The following PPARGC1A variants were observed in gnomAD, a reference collection of about 807,000 sequenced individuals.
PPARGC1A encodes the protein peroxisome proliferator-activated receptor gamma coactivator 1-alpha.
Under a neutral mutation model 88.7 loss-of-function variants are expected in PPARGC1A, and 25 were observed. The observed-to-expected ratio is 0.28, with a 90% CI of 0.21 to 0.39. PPARGC1A has a LOEUF of 0.39. Among genes scored for constraint, PPARGC1A ranks in the 10% least tolerant of loss-of-function variants. PPARGC1A has a pLI of 1.00. For missense variants in PPARGC1A, 880 were observed against 968.7 expected (o/e 0.91, Z 1.22); for synonymous variants, 363 against 355.6 (o/e 1.02, Z -0.24).
At chr4:24,158,780 T>C in the PPARGC1A span, among the ~76,000 whole-genome samples, 208 of 152,316 alleles carry the variant, frequency 1.4e-3, 1 homozygote, top group Non-Finnish European at 8.7e-4. Context: ...CAGTACTTGA[T>C]TCCTAAAGCA....
At position 23,813,697 on chromosome 4, in the gene PPARGC1A, A is replaced by G; in HGVS notation, c.1786T>C (p.Ser596Pro). The G allele has an allele frequency of 6.3e-7, 1 of 1,578,692 alleles. No homozygotes were observed. The highest frequency in any genetic ancestry group is 8.6e-7 in the Non-Finnish European group (1 of 1,160,376). ...GGTTTTGCCAAGGTTTACCTTGAAG[A>G]GGATCTACTGCCTGGAGACCTTGAT... ...SRSRSPGSRS[S>P]SRSCYYYESS... The change falls in exon 8 of 13, where the codon TCT becomes CCT. Residue 596 changes from serine (S) to proline (P), a missense_variant. Physicochemically the swap from Ser to Pro is moderately conservative, Grantham distance 74 (BLOSUM62 -1). Transcript: ENST00000264867.
intron 2 of PPARGC1A, 64 bp from the exon 3 acceptor site, chr4:23,831,815 C>T (rs1725059467): frequency 4.4e-6 from 6 of 1,358,794 alleles, no homozygotes; most frequent in Non-Finnish European, 5.2e-6. Context: ...CACTATGCAT[C>T]AACATGTTTG....
the PPARGC1A span, among the ~76,000 whole-genome samples, chr4:23,988,517 T>C: frequency 1.3e-5 from 2 of 152,048 alleles, no homozygotes; most frequent in Non-Finnish European, 2.9e-5. Flanking sequence ...GCAACATTGT[T>C]GGAAAGACCC....
chr4:23,896,086 TA>T (rs1390035209), intron 1 of PPARGC1A, among the ~76,000 whole-genome samples: 1 of 151,876 alleles, frequency 6.6e-6, no homozygotes, highest in Non-Finnish European at 1.5e-5. Context: ...CATTAGGGTT[TA>T]AAATGAAGCT....
chr4:23,903,331 C>G (rs1030834126), upstream of PPARGC1A, among the ~76,000 whole-genome samples: 1 of 152,186 alleles, frequency 6.6e-6, no homozygotes, highest in African/African-American at 2.4e-5. Context: ...CACCCTCAGA[C>G]TGTTTTCCAC....
At chr4:23,881,073 A>G (rs1461795389) in intron 2 of PPARGC1A, 1 of 152,342 alleles carries the variant, frequency 6.6e-6, no homozygotes, top group Admixed American at 6.5e-5. Flanking sequence ...CATGCCATCC[A>G]TCTTTACAGA....
the PPARGC1A span, among the ~76,000 whole-genome samples, chr4:24,222,069 C>A: frequency 6.6e-6 from 1 of 152,156 alleles, no homozygotes; most frequent in African/African-American, 2.4e-5. Flanking sequence ...AATTCAGGGA[C>A]CATCTCCAAG....
At chr4:24,439,836 T>A in the PPARGC1A span, among the ~76,000 whole-genome samples, 2 of 152,198 alleles carry the variant, frequency 1.3e-5, no homozygotes, top group Admixed American at 6.5e-5. Context: ...GGATTTACCA[T>A]GATTTTACTG....
the PPARGC1A span, among the ~76,000 whole-genome samples, chr4:24,195,730 C>T: frequency 6.6e-6 from 1 of 152,164 alleles, no homozygotes; most frequent in Non-Finnish European, 1.5e-5. Context: ...TCCTCATATT[C>T]TTCCATTTTT....
the PPARGC1A span, among the ~76,000 whole-genome samples, chr4:23,934,132 A>G: frequency 6.6e-6 from 1 of 152,216 alleles, no homozygotes; most frequent in Non-Finnish European, 1.5e-5. Context: ...GGGTGGTGAC[A>G]TGGGGAAGGG....
the PPARGC1A span, among the ~76,000 whole-genome samples, chr4:24,295,655 T>C: frequency 6.6e-6 from 1 of 150,656 alleles, no homozygotes; most frequent in Admixed American, 6.6e-5. Flanking sequence ...TTCATAGTTT[T>C]TTGTGTTATA....
chr4:24,317,818 A>G, the PPARGC1A span, among the ~76,000 whole-genome samples: 5 of 152,106 alleles, frequency 3.3e-5, no homozygotes, highest in African/African-American at 2.4e-5. Context: ...ACCAAGACGA[A>G]CGTGCCCTCT....
chr4:24,221,710 T>C, the PPARGC1A span, among the ~76,000 whole-genome samples: 1 of 152,108 alleles, frequency 6.6e-6, no homozygotes, highest in South Asian at 2.1e-4. Context: ...GAGTTAAAGA[T>C]TGCCGTGAGC....
At chr4:24,346,029 T>C in the PPARGC1A span, among the ~76,000 whole-genome samples, 2,050 of 152,368 alleles carry the variant, frequency 0.013, 17 homozygotes, top group Non-Finnish European at 0.02. Flanking sequence ...CTGCATCTAC[T>C]GAGATGATCA....
rs769377888 is a variant in PPARGC1A at position 23,831,574 on chromosome 4, C to A, written c.412G>T (p.Ala138Ser). 7.4e-6 allele frequency: 12 copies of A among 1,613,944 alleles called. No homozygotes were observed. Among genetic ancestry groups the A allele is most frequent in the Non-Finnish European group, 8.5e-7 (1 of 1,179,890 alleles). Residue 138 changes from alanine to serine, a missense_variant, in exon 3 of 13, where the codon GCA becomes TCA. By Grantham distance (99) the Ala-to-Ser change is moderately conservative. Coordinates refer to ENST00000264867, the MANE Select transcript of PPARGC1A (RefSeq NM_013261.5). ...GTTCTTACTAGAGACGGCTCTTCTG[C>A]CTCCTGGGGTGGAGGGGTGCCGTCA... ...MPDGTPPPQEAEEPSLLKKLL... is the reference protein window; with the variant it reads ...MPDGTPPPQESEEPSLLKKLL...
the PPARGC1A span, among the ~76,000 whole-genome samples, chr4:24,259,584 C>T: frequency 5.9e-5 from 9 of 152,116 alleles, no homozygotes; most frequent in Non-Finnish European, 2.9e-5. Flanking sequence ...AAATACTTAC[C>T]ATTGTGTTAC....
chr4:24,294,290 A>T, the PPARGC1A span, among the ~76,000 whole-genome samples: 1 of 152,198 alleles, frequency 6.6e-6, no homozygotes, highest in African/African-American at 2.4e-5. Context: ...GAAAATCATG[A>T]TCAGAAAATA....
At chr4:23,994,336 G>C in the PPARGC1A span, among the ~76,000 whole-genome samples, 2 of 152,240 alleles carry the variant, frequency 1.3e-5, no homozygotes, top group South Asian at 4.1e-4. Flanking sequence ...AGACTTTAAA[G>C]TGTATCAGTA....
chr4:24,266,965 T>C, the PPARGC1A span, among the ~76,000 whole-genome samples: 1 of 152,150 alleles, frequency 6.6e-6, no homozygotes, highest in African/African-American at 2.4e-5. Context: ...AAGTACTTTT[T>C]TCCCTTGTTC....
Sources: gnomAD v4.1 joint callset for allele counts (sites outside exome capture counted in the v4.1 genomes callset) on GRCh38, gnomAD v4.1.1 for gene constraint, MANE v1.5 for transcripts, NCBI Gene and HGNC (gene_info 2026-07-23, HGNC 2026-07-21) for gene names.